FAM110B: variants seen among roughly 807,000 people sequenced by gnomAD.
The protein encoded by FAM110B is protein FAM110B.
In FAM110B, 6 loss-of-function variants were observed where a neutral mutation model predicts 20.4. That is an observed-to-expected ratio of 0.29 (90% CI 0.16 to 0.58). The LOEUF (loss-of-function observed/expected upper bound fraction) is 0.58. FAM110B is among the 20% of genes least tolerant of loss of function. The pLI, the probability that FAM110B is intolerant of heterozygous loss-of-function variation, is 0.90. For missense variants in FAM110B, 434 were observed against 498.2 expected, an observed-to-expected ratio of 0.87 and a Z score of 1.23; for synonymous variants, 226 against 214.1, an observed-to-expected ratio of 1.06 and a Z score of -0.49.
rs539335815 is a variant in FAM110B at position 58,039,563 on chromosome 8, T to G, written c.-414+7860T>G. Among the ~76,000 whole-genome samples the G allele has an allele frequency of 8.5e-5, 13 of 152,328 alleles. No homozygotes were observed. In the East Asian group the frequency reaches 2.3e-3, roughly 27 times the overall value. On this transcript the variant is annotated intron_variant, in intron 2 of 3. Transcript: ENST00000519262. The stretch of plus-strand genomic sequence containing the variant: ...ACTCTTCTCACAATTTTAAAAATAG[T>G]CATTTAAGAAGTTTTGTCTGTTGAG...
chr8:58,102,186 G>A (rs1398393356), intron 3 of FAM110B, among the ~76,000 whole-genome samples: 1 of 152,178 alleles, frequency 6.6e-6, no homozygotes, highest in African/African-American at 2.4e-5. Flanking sequence ...CTTTGGAACG[G>A]CTTCAGTGTA....
At chr8:58,028,494 G>A (rs760422460) in intron 1 of FAM110B, among the ~76,000 whole-genome samples, 2 of 152,090 alleles carry the variant, frequency 1.3e-5, no homozygotes, top group Non-Finnish European at 1.5e-5. Flanking sequence ...GCATTTCCCT[G>A]ATTAATTATG....
chr8:58,094,930 GTT>G (rs1806582580), intron 3 of FAM110B, among the ~76,000 whole-genome samples: 1 of 152,124 alleles, frequency 6.6e-6, no homozygotes, highest in Non-Finnish European at 1.5e-5. Context: ...TTCAGAACTT[GTT>G]AATGTTTCTA....
chr8:58,146,596 G>T lies in FAM110B; in HGVS notation c.366G>T (p.Lys122Asn). The T allele has an allele frequency of 6.2e-7, 1 of 1,614,058 alleles. No individual in the cohort carries two copies. Among genetic ancestry groups the T allele is most frequent in the Non-Finnish European group, 8.5e-7 (1 of 1,179,960 alleles). Residue 122 changes from lysine to asparagine, a missense_variant, in exon 4 of 4, where the codon AAG (lysine) becomes AAT (asparagine). By Grantham distance (94) the Lys-to-Asn change is moderately conservative. Coordinates refer to ENST00000519262, the MANE Select transcript of FAM110B (RefSeq NM_001377989.1). ...AGAACCTGAAGCTGGAGATCCTGAA[G>T]AACATCATCAATAGCTCCGAGGGCT... ...QRENLKLEIL[K>N]NIINSSEGSS...
intron 3 of FAM110B, among the ~76,000 whole-genome samples, chr8:58,114,579 G>A (rs938914670): frequency 1.3e-5 from 2 of 152,100 alleles, no homozygotes; most frequent in South Asian, 2.1e-4. Context: ...ACTGACAGGC[G>A]AGTTCCCTTC....
At chr8:58,142,860 C>T (rs1202996108) in intron 3 of FAM110B, among the ~76,000 whole-genome samples, 1 of 152,192 alleles carries the variant, frequency 6.6e-6, no homozygotes, top group Admixed American at 6.5e-5. Flanking sequence ...ATCTAATTTT[C>T]CTTCCTCAAA....
chr8:58,142,223 G>T (rs1803758092), intron 3 of FAM110B, among the ~76,000 whole-genome samples: 1 of 152,174 alleles, frequency 6.6e-6, no homozygotes, highest in South Asian at 2.1e-4. Context: ...GAGGCATTTG[G>T]GTTCTAATGG....
chr8:57,998,666 T>C (rs995467472), intron 1 of FAM110B, among the ~76,000 whole-genome samples: 1 of 152,236 alleles, frequency 6.6e-6, no homozygotes, highest in African/African-American at 2.4e-5. Flanking sequence ...TAGCATTAAC[T>C]CTAGACTTTG....
At chr8:58,005,448 A>G (rs1804382146) in intron 1 of FAM110B, among the ~76,000 whole-genome samples, 1 of 152,260 alleles carries the variant, frequency 6.6e-6, no homozygotes, top group Admixed American at 6.5e-5. Flanking sequence ...TGATACACAG[A>G]CCAGAAGTGA....
At chr8:58,125,649 T>C (rs2150630210) in intron 3 of FAM110B, among the ~76,000 whole-genome samples, 1 of 152,338 alleles carries the variant, frequency 6.6e-6, no homozygotes, top group African/African-American at 2.4e-5. Context: ...CCTAGGTTAT[T>C]TTCTCAATAT....
chr8:58,042,260 A>G (rs556677994), intron 2 of FAM110B, among the ~76,000 whole-genome samples: 4 of 152,370 alleles, frequency 2.6e-5, no homozygotes, highest in Non-Finnish European at 5.9e-5. Context: ...ATTTAAAAAT[A>G]GAACATATGC....
chr8:58,105,083 G>C (rs928063427), intron 3 of FAM110B, among the ~76,000 whole-genome samples: 1 of 151,754 alleles, frequency 6.6e-6, no homozygotes, highest in African/African-American at 2.4e-5. Context: ...CTAGGAAGTG[G>C]AACTAGGTGC....
intron 3 of FAM110B, among the ~76,000 whole-genome samples, chr8:58,107,707 A>G (rs1038448132): frequency 6.6e-6 from 1 of 152,194 alleles, no homozygotes; most frequent in Admixed American, 6.5e-5. Flanking sequence ...ATCCTGTGCT[A>G]TGGTCTGTGT....
intron 3 of FAM110B, among the ~76,000 whole-genome samples, chr8:58,133,204 TG>T (rs1407719334): frequency 3.8e-4 from 51 of 135,366 alleles, no homozygotes; most frequent in African/African-American, 1.6e-3. Context: ...AGCTCGATTT[TG>T]TTTTTTTTTT....
intron 3 of FAM110B, chr8:58,100,836 T>A (rs1403559033): frequency 6.6e-6 from 1 of 152,200 alleles, no homozygotes; most frequent in Non-Finnish European, 1.5e-5. Context: ...ACTAATGAAT[T>A]TTGGAAGACC....
chr8:58,109,234 T>G (rs1340248826), intron 3 of FAM110B, among the ~76,000 whole-genome samples: 1 of 152,212 alleles, frequency 6.6e-6, no homozygotes, highest in Non-Finnish European at 1.5e-5. Flanking sequence ...ATGTTTATCT[T>G]GCAGGACCAA....
At chr8:58,073,493 A>G (rs552930669) in intron 2 of FAM110B, among the ~76,000 whole-genome samples, 5 of 152,290 alleles carry the variant, frequency 3.3e-5, no homozygotes, top group Admixed American at 2.0e-4. Flanking sequence ...ACTTCCATAC[A>G]TGTAAAATAT....
chr8:58,118,036 T>C (rs1313934558), intron 3 of FAM110B, among the ~76,000 whole-genome samples: 1 of 152,232 alleles, frequency 6.6e-6, no homozygotes. Context: ...GTAACATCTT[T>C]GGATGTGAAA....
At chr8:58,097,016 T>C (rs2150607659) in intron 3 of FAM110B, among the ~76,000 whole-genome samples, 1 of 152,308 alleles carries the variant, frequency 6.6e-6, no homozygotes, top group Non-Finnish European at 1.5e-5. Context: ...GACGATTATG[T>C]GTCTTGAGGT....
Sources: gnomAD v4.1 joint callset for allele counts (sites outside exome capture counted in the v4.1 genomes callset) on GRCh38, gnomAD v4.1.1 for gene constraint, MANE v1.5 for transcripts, NCBI Gene and HGNC (gene_info 2026-07-23, HGNC 2026-07-21) for gene names.